SEZ6: variants seen among roughly 807,000 people sequenced by gnomAD.
The protein encoded by SEZ6 is seizure protein 6 homolog.
A neutral mutation model predicts 101.0 loss-of-function variants in SEZ6; 53 were observed. That is an observed-to-expected ratio of 0.52 (90% CI 0.42 to 0.66). SEZ6 has a LOEUF of 0.66. Among genes scored for constraint, SEZ6 ranks in the 30% least tolerant of loss-of-function variants. The pLI, the probability that SEZ6 is intolerant of heterozygous loss-of-function variation, is 0.00. For missense variants in SEZ6, 1,102 were observed against 1,289.4 expected (o/e 0.85, Z 2.23); for synonymous variants, 488 against 512.2 (o/e 0.95, Z 0.64).
rs1321187778 is a variant in SEZ6 at position 28,956,345 on chromosome 17, C to T, written c.2849+5G>A. 1.9e-6 allele frequency: 3 copies of T among 1,573,426 alleles called. No individual in the cohort carries two copies. The highest frequency in any genetic ancestry group is 1.7e-6 in the Non-Finnish European group (2 of 1,159,032). On this transcript the variant is annotated splice_donor_5th_base_variant and intron_variant, in intron 15 of 16. Transcript: ENST00000317338. ...ATGCAGAGCAGAAAGAGAAGCCAGA[C>T]TCACCTGGAGAAGTAGAAGTATACA... is the stretch of plus-strand genomic sequence containing the variant.
Position 29,005,039 on chromosome 17 carries a change from A to G in SEZ6, c.55+776T>C, listed in dbSNP as rs1175692199. Among the ~76,000 whole-genome samples, 1 of 150,854 alleles carries G rather than the reference A, an allele frequency of 6.6e-6. No homozygotes were observed. Among genetic ancestry groups the G allele is most frequent in the Non-Finnish European group, 1.5e-5 (1 of 67,702 alleles). On this transcript the variant is annotated intron_variant, in intron 1 of 16. Coordinates refer to ENST00000317338, the MANE Select transcript of SEZ6 (RefSeq NM_178860.5). This position sits in a 1 kb window ranked among gnomAD's most constrained non-coding sequence, Gnocchi z 4.8. ...GGTGGGGAGTGGACCAGGGCCGGGC[A>G]GGAAGGCAGGCCGGGAGGGAGGCAG...
chr17:28,965,638 C>T (rs1005200441), intron 4 of SEZ6, among the ~76,000 whole-genome samples: 4 of 151,874 alleles, frequency 2.6e-5, no homozygotes, highest in Non-Finnish European at 5.9e-5. Context: ...GTCCCTGTTT[C>T]GAAAAACAAC....
chr17:28,977,154 A>G (rs2041231907), intron 3 of SEZ6, among the ~76,000 whole-genome samples: 1 of 151,974 alleles, frequency 6.6e-6, no homozygotes, highest in Non-Finnish European at 1.5e-5. Flanking sequence ...AGTTTTTCCA[A>G]CTCTCCAGTG....
chr17:28,957,426 T>A lies in SEZ6; in HGVS notation c.2416A>T (p.Met806Leu), dbSNP rs374539549. The change falls in exon 12 of 17, where the codon ATG becomes TTG. Residue 806 changes from methionine to leucine, a missense_variant. Physicochemically the swap from Met to Leu is conservative, Grantham distance 15. This residue lies in a region of SEZ6 where 556 missense variants were observed against 735.1 expected (regional missense o/e 0.76). Transcript: ENST00000317338. ...TGGCAGGTGAGGATGGAGCTGCCCA[T>A]CAGCACAAAACCCTGGTCACAGATA... ...QYICDQGFVL[M>L]GSSILTCHDR... 1.2e-6 allele frequency: 2 copies of A among 1,613,612 alleles called. No homozygotes were observed. Among genetic ancestry groups the A allele is most frequent in the Non-Finnish European group, 1.7e-6 (2 of 1,179,730 alleles).
intron 7 of SEZ6, among the ~76,000 whole-genome samples, 182 bp from the exon 8 acceptor site, chr17:28,960,074 T>C (rs1283297542): frequency 6.6e-6 from 1 of 152,192 alleles, no homozygotes; most frequent in Non-Finnish European, 1.5e-5. Context: ...ATCCCTATTA[T>C]GCTCAGGAGG....
In SEZ6 at chr17:28,981,746, G is replaced by A. The variant is rs750469303; in HGVS notation, c.349C>T (p.Pro117Ser). The A allele has an allele frequency of 6.2e-7, 1 of 1,609,442 alleles. No individual in the cohort carries two copies. Among genetic ancestry groups the A allele is most frequent in the South Asian group, 1.1e-5 (1 of 90,874 alleles). The part of the protein sequence containing the change: ...LPRLANQDSR[P>S]VFTSPTPAMA... ...GCTGGAGTGGGGCTGGTAAAGACAG[G>A]GCGGCTGTCCTGGTTGGCCAGGCGG... Residue 117 changes from proline (P) to serine (S), a missense_variant, in exon 2 of 17, where the codon CCT becomes TCT. Physicochemically the swap from Pro to Ser is moderately conservative, Grantham distance 74 (BLOSUM62 -1). Coordinates refer to ENST00000317338, the MANE Select transcript of SEZ6 (RefSeq NM_178860.5).
rs375839200 is a variant in SEZ6 at position 28,958,133 on chromosome 17, G to A, written c.2116C>T (p.Arg706Cys). ...GGCAGCTCCGGACATGTGTCATTGC[G>A]GGGCACCTCTGGGGGCACAGAGGCA... ...GFVIHFFEVPRNDTCPELPEI... is the reference protein window; with the variant it reads ...GFVIHFFEVPCNDTCPELPEI... Residue 706 changes from arginine to cysteine, a missense_variant, in exon 11 of 17, where the codon CGC becomes TGC. Transcript: ENST00000317338. 1.1e-5 allele frequency: 18 copies of A among 1,592,762 alleles called. No homozygotes were observed. Among genetic ancestry groups the A allele is most frequent in the African/African-American group, 9.4e-5 (7 of 74,582 alleles).
At chr17:28,991,610 A>T (rs1399963072) in intron 1 of SEZ6, among the ~76,000 whole-genome samples, 1 of 152,170 alleles carries the variant, frequency 6.6e-6, no homozygotes, top group Non-Finnish European at 1.5e-5. Flanking sequence ...CTCAGTGAGG[A>T]AGAGCCCAGG....
Position 28,959,480 on chromosome 17 carries a change from G to A in SEZ6, c.1772-8C>T, listed in dbSNP as rs2040941528. 6.2e-7 allele frequency: 1 copy of A among 1,611,374 alleles called. No homozygotes were observed. The highest frequency in any genetic ancestry group is 1.1e-5 in the South Asian group (1 of 91,086). ...TCTCCCCGCTGCACACGGCTGGAAG[G>A]CAGAGGAGGCCCAGAAGGGTCTTTT... On this transcript the variant is annotated splice_region_variant and splice_polypyrimidine_tract_variant and intron_variant, in intron 8 of 16. Transcript: ENST00000317338. This position sits in a 1 kb window ranked among gnomAD's most constrained non-coding sequence, Gnocchi z 4.4.
intron 1 of SEZ6, among the ~76,000 whole-genome samples, chr17:28,987,149 A>G (rs917788245): frequency 3.9e-5 from 6 of 152,190 alleles, no homozygotes; most frequent in Admixed American, 3.3e-4. Context: ...GCACGGGGAC[A>G]ATGAGAATTT....
intron 1 of SEZ6, among the ~76,000 whole-genome samples, chr17:28,994,678 G>A (rs2152692336): frequency 6.6e-6 from 1 of 152,034 alleles, no homozygotes; most frequent in South Asian, 2.1e-4. Context: ...CAAAGTGCTG[G>A]GATTACAGGC....
chr17:28,990,820 C>CA (rs997764023), intron 1 of SEZ6, among the ~76,000 whole-genome samples: 18 of 151,810 alleles, frequency 1.2e-4, no homozygotes, highest in Non-Finnish European at 1.6e-4. Flanking sequence ...AGTAAAAAAC[C>CA]AAAAAAACAC....
intron 1 of SEZ6, among the ~76,000 whole-genome samples, chr17:28,998,692 G>C: frequency 6.6e-6 from 1 of 152,118 alleles, no homozygotes; most frequent in South Asian, 2.1e-4. Flanking sequence ...TGGCAGGAGA[G>C]GTCCTGTACC....
chr17:28,968,700 A>G (rs1246816114), intron 4 of SEZ6, among the ~76,000 whole-genome samples: 1 of 152,120 alleles, frequency 6.6e-6, no homozygotes, highest in East Asian at 1.9e-4. Flanking sequence ...GTGGGGTTCC[A>G]AGCAGCCCCA....
rs974919645 is a variant in SEZ6, at chr17:28,955,352, G to T, written c.*610C>A. On this transcript the variant is annotated 3_prime_UTR_variant, in exon 17 of 17. Coordinates refer to ENST00000317338, the MANE Select transcript of SEZ6 (RefSeq NM_178860.5). ...AAGCCCAACCTGAGGTGGGGGTAGG[G>T]TCCCCCTGAACCCCTTAGGATCTCC... 7.5e-6 allele frequency: 2 copies of T among 265,768 alleles called. No individual in the cohort carries two copies. The highest frequency in any genetic ancestry group is 1.5e-5 in the Non-Finnish European group (2 of 132,882). 16.5% of individuals were successfully genotyped at this position (265,768 alleles called of 1,614,324 possible).
Position 28,996,069 on chromosome 17 carries a change from C to T in SEZ6, c.55+9746G>A, listed in dbSNP as rs559941914. Among the ~76,000 whole-genome samples the T allele has an allele frequency of 2.3e-4, 35 of 150,678 alleles. No homozygotes were observed. The South Asian group carries it at 6.2e-3, about 27-fold the overall frequency. On this transcript the variant is annotated intron_variant, in intron 1 of 16. Transcript: ENST00000317338. ...AGGCTGGAGTGCAGTGGCGAGATCTCGGCTCACTGCAAGCTCCGCCTCCCG... is the reference window on the plus strand; with the variant it reads ...AGGCTGGAGTGCAGTGGCGAGATCTTGGCTCACTGCAAGCTCCGCCTCCCG...
chr17:28,979,098 G>A (rs2041263002), intron 3 of SEZ6, among the ~76,000 whole-genome samples: 1 of 152,140 alleles, frequency 6.6e-6, no homozygotes, highest in Admixed American at 6.5e-5. Context: ...TGAGGAGCCT[G>A]TGGGACATCT....
rs1251355837 is a variant in SEZ6, at chr17:28,960,874, A to G, written c.1340T>C (p.Leu447Pro). ...YSNNLTCHWLLEAPEGQRLHL... is the reference protein window; with the variant it reads ...YSNNLTCHWLPEAPEGQRLHL... The stretch of plus-strand genomic sequence containing the variant: ...TAGCCGCTGGCCCTCAGGAGCCTCA[A>G]GCAGCCAGTGACAGGTGAGGTTGTT... The change falls in exon 6 of 17, where the codon CTT (leucine) becomes CCT (proline). Residue 447 changes from leucine to proline, a missense_variant. Leu to Pro is a moderately conservative substitution (Grantham distance 98). Coordinates refer to ENST00000317338, the MANE Select transcript of SEZ6 (RefSeq NM_178860.5). 4 of 1,613,834 alleles carry G rather than the reference A, an allele frequency of 2.5e-6. No homozygotes were observed. The South Asian group carries it at 3.3e-5, about 13-fold the overall frequency.
At chr17:28,996,907 C>G (rs1034146172) in intron 1 of SEZ6, among the ~76,000 whole-genome samples, 1 of 152,140 alleles carries the variant, frequency 6.6e-6, no homozygotes, top group South Asian at 2.1e-4. Flanking sequence ...AAGCCCTCCT[C>G]CCTTGTCTCT....
Sources: gnomAD v4.1 joint callset for allele counts (sites outside exome capture counted in the v4.1 genomes callset) on GRCh38, gnomAD v4.1.1 for gene constraint, gnomAD v4.1.1 regional missense constraint, Gnocchi (gnomAD v3.1) non-coding constraint, MANE v1.5 for transcripts, NCBI Gene and HGNC (gene_info 2026-07-23, HGNC 2026-07-21) for gene names.